XYLT1: variants seen among roughly 807,000 people sequenced by gnomAD.
XYLT1 encodes the protein xylosyltransferase 1.
Under a neutral mutation model 91.3 loss-of-function variants are expected in XYLT1, and 36 were observed. The ratio of observed to expected loss-of-function variants is 0.39; its 90% CI spans 0.30 to 0.52. The LOEUF (loss-of-function observed/expected upper bound fraction) is 0.52, where lower values mean the gene tolerates loss of function less well. Among genes scored for constraint, XYLT1 ranks in the 20% least tolerant of loss-of-function variants. XYLT1 has a pLI of 0.68. For synonymous variants in XYLT1, 588 were observed against 532.0 expected (o/e 1.11, Z -1.45); for missense variants, 1,242 against 1,284.5 (o/e 0.97, Z 0.51).
Position 17,138,004 on chromosome 16 carries a change from T to G in XYLT1, c.1764+351A>C, listed in dbSNP as rs75316712. Among the ~76,000 whole-genome samples, 949 of 151,114 alleles carry G rather than the reference T, an allele frequency of 6.3e-3. 36 individuals are homozygous for G. The East Asian group carries it at 0.074, about 12-fold the overall frequency. On this transcript the variant is annotated intron_variant, in intron 8 of 11. Transcript: ENST00000261381. Reference sequence around the variant, plus strand: ...TTCCTGGGTACAAATGTAACAAATATTTTGGGAGATTCTGATGAAAAGGGA... The same window carrying G: ...TTCCTGGGTACAAATGTAACAAATAGTTTGGGAGATTCTGATGAAAAGGGA...
At chr16:17,310,973 C>T (rs2141821248) in intron 2 of XYLT1, among the ~76,000 whole-genome samples, 1 of 152,290 alleles carries the variant, frequency 6.6e-6, no homozygotes, top group East Asian at 1.9e-4. Flanking sequence ...TAAAACACAG[C>T]ATGGTGTCAG....
chr16:17,359,017 A>C (rs1343360241), intron 1 of XYLT1, among the ~76,000 whole-genome samples: 2 of 152,078 alleles, frequency 1.3e-5, no homozygotes, highest in East Asian at 1.9e-4. Flanking sequence ...GGGTTGGAGG[A>C]GAGACAGGGA....
chr16:17,445,010 TG>T (rs2036575263), intron 1 of XYLT1, among the ~76,000 whole-genome samples: 1 of 152,176 alleles, frequency 6.6e-6, no homozygotes, highest in South Asian at 2.1e-4. Context: ...GGACACCATT[TG>T]TTTTTTTAGA....
In XYLT1 at chr16:17,134,631, A is replaced by G; in HGVS notation, c.1869T>C (p.Gly623=). 1.2e-6 allele frequency: 2 copies of G among 1,614,158 alleles called. No individual in the cohort carries two copies. Among genetic ancestry groups the G allele is most frequent in the Non-Finnish European group, 1.7e-6 (2 of 1,180,016 alleles). The change falls in exon 9 of 12, where the codon GGT becomes GGC. Residue 623 remains glycine (G), a synonymous_variant. Coordinates refer to ENST00000261381, the MANE Select transcript of XYLT1 (RefSeq NM_022166.4). The part of the protein sequence containing the change: ...DYYLYGNYPA[G]TPGLRSYWEN... Reference sequence around the variant, plus strand: ...CCCAGTAGGAGCGCAGGCCCGGGGTACCTGCAGGGTAGTTCCCGTACAGGT... The same window carrying G: ...CCCAGTAGGAGCGCAGGCCCGGGGTGCCTGCAGGGTAGTTCCCGTACAGGT...
chr16:17,145,118 CA>C (rs1188130328), intron 6 of XYLT1, among the ~76,000 whole-genome samples: 1 of 152,196 alleles, frequency 6.6e-6, no homozygotes, highest in Admixed American at 6.5e-5. Flanking sequence ...GGCAGTCATA[CA>C]ATATATGGCC....
chr16:17,105,697 G>A lies in XYLT1; in HGVS notation c.*2998C>T, dbSNP rs889678085. The A allele has an allele frequency of 3.9e-5, 6 of 152,136 alleles. No homozygotes were observed. The highest frequency in any genetic ancestry group is 1.4e-4 in the African/African-American group (6 of 41,406). 9.4% of individuals were successfully genotyped at this position (152,136 alleles called of 1,614,324 possible). A position where few individuals can be genotyped will look rare whatever the true frequency, so the allele number is the denominator to read the frequency against. ...CCTGTCAGCCTTCCTGAGTTTCCAG[G>A]GACCTCGTCACTGGCTCAGCTCACA... On this transcript the variant is annotated 3_prime_UTR_variant, in exon 12 of 12. Transcript: ENST00000261381.
Position 17,402,743 on chromosome 16 carries a change from C to CTT in XYLT1, c.364-44695_364-44694dup, listed in dbSNP as rs368996011. ...TTTACTATATCCTTTTTTTTCTTTT[C>CTT]TTTTTTTTTTTTTTTAAGAGATAGG... On this transcript the variant is annotated intron_variant, in intron 1 of 11. Transcript: ENST00000261381. 1.2e-3 allele frequency among the ~76,000 whole-genome samples: 167 copies of CTT among 136,308 alleles called. 2 individuals are homozygous for CTT. Among genetic ancestry groups the CTT allele is most frequent in the Admixed American group, 4.3e-3 (58 of 13,512 alleles). The allele number at this position is 136,308 out of a possible 152,430, so 89.4% of individuals were successfully genotyped here.
chr16:17,234,517 A>G (rs990018643), intron 3 of XYLT1, among the ~76,000 whole-genome samples: 7 of 152,146 alleles, frequency 4.6e-5, no homozygotes, highest in African/African-American at 1.7e-4. Context: ...TAAGAAATCA[A>G]TCAAATCAGC....
intron 2 of XYLT1, among the ~76,000 whole-genome samples, chr16:17,286,679 T>TCATCATCATCCC (rs2034145211): frequency 6.6e-6 from 1 of 152,152 alleles, no homozygotes; most frequent in Non-Finnish European, 1.5e-5. Flanking sequence ...ATCATCATCC[T>TCATCATCATCCC]CATCATCATC....
At chr16:17,408,155 C>G (rs956681867) in intron 1 of XYLT1, among the ~76,000 whole-genome samples, 3 of 152,158 alleles carry the variant, frequency 2.0e-5, no homozygotes, top group African/African-American at 7.2e-5. Flanking sequence ...ACAAAATATA[C>G]GATGATAGCC....
At chr16:17,322,134 CTG>C (rs1345516145) in intron 2 of XYLT1, among the ~76,000 whole-genome samples, 2 of 152,160 alleles carry the variant, frequency 1.3e-5, no homozygotes, top group South Asian at 2.1e-4. Flanking sequence ...AGTTCTTTGA[CTG>C]TGTTTTCGCT....
chr16:17,341,367 A>C (rs939338525), intron 2 of XYLT1, among the ~76,000 whole-genome samples: 16 of 152,248 alleles, frequency 1.1e-4, no homozygotes, highest in African/African-American at 3.9e-4. Context: ...GACAAAATAG[A>C]AAAGTTAAAA....
At chr16:17,400,687 C>A (rs1235989505) in intron 1 of XYLT1, among the ~76,000 whole-genome samples, 2 of 150,450 alleles carry the variant, frequency 1.3e-5, no homozygotes, top group African/African-American at 4.9e-5. Flanking sequence ...AACTAACTAA[C>A]TTGCAGTTTA....
rs555498249 is a variant in XYLT1 at position 17,360,960 on chromosome 16, C to G, written c.364-2910G>C. Among the ~76,000 whole-genome samples, 8 of 152,336 alleles carry G rather than the reference C, an allele frequency of 5.3e-5. No homozygotes were observed. In the South Asian group the frequency reaches 1.2e-3, roughly 24 times the overall value. On this transcript the variant is annotated intron_variant, in intron 1 of 11. Transcript: ENST00000261381. Reference sequence around the variant, plus strand: ...AACAAGGAAAGCCCTTTCCTATCATCTATTGCAATGGCTCAGTTGGGGAAG... The same window carrying G: ...AACAAGGAAAGCCCTTTCCTATCATGTATTGCAATGGCTCAGTTGGGGAAG...
intron 1 of XYLT1, among the ~76,000 whole-genome samples, chr16:17,390,034 C>T (rs530305736): frequency 6.6e-6 from 1 of 150,704 alleles, no homozygotes; most frequent in South Asian, 2.1e-4. Context: ...AATCACTTCA[C>T]CCCCTGCCCA....
chr16:17,320,525 G>A (rs1006412139), intron 2 of XYLT1, among the ~76,000 whole-genome samples: 1 of 148,406 alleles, frequency 6.7e-6, no homozygotes, highest in African/African-American at 2.5e-5. Flanking sequence ...CTGTCACCAG[G>A]CTGCAGTGCA....
At chr16:17,371,855 A>G (rs916299345) in intron 1 of XYLT1, among the ~76,000 whole-genome samples, 1 of 152,218 alleles carries the variant, frequency 6.6e-6, no homozygotes, top group African/African-American at 2.4e-5. Context: ...TATGTGTGTG[A>G]ATATGCATGT....
chr16:17,361,381 G>C (rs2035379365), intron 1 of XYLT1, among the ~76,000 whole-genome samples: 1 of 152,186 alleles, frequency 6.6e-6, no homozygotes, highest in Non-Finnish European at 1.5e-5. Flanking sequence ...AAGCCACTGA[G>C]TTTTGAAGTC....
chr16:17,285,355 C>T lies in XYLT1; in HGVS notation c.403-25857G>A, dbSNP rs150097134. Among the ~76,000 whole-genome samples the T allele has an allele frequency of 4.0e-4, 61 of 152,282 alleles. 1 individual carries two copies. Among genetic ancestry groups the T allele is most frequent in the Admixed American group, 3.7e-3 (56 of 15,300 alleles). On this transcript the variant is annotated intron_variant, in intron 2 of 11. Transcript: ENST00000261381. ...ATAAAGTGTGTAATTTAAAGCATCC[C>T]GGAAGCCCTGGGAACTTGCGCTAGA...
Sources: allele counts gnomAD v4.1 joint callset (sites outside exome capture counted in the v4.1 genomes callset), GRCh38; gene constraint gnomAD v4.1.1; transcripts MANE v1.5; gene names NCBI Gene and HGNC (gene_info 2026-07-23, HGNC 2026-07-21).